The following MRPS9 variants were observed in gnomAD, a reference collection of about 807,000 sequenced individuals.
The protein encoded by MRPS9 is mitochondrial ribosomal protein S9.
A neutral mutation model predicts 59.9 loss-of-function variants in MRPS9; 45 were observed. The observed-to-expected ratio is 0.75, with a 90% CI of 0.59 to 0.96. The LOEUF (loss-of-function observed/expected upper bound fraction) is 0.96, where lower values mean the gene tolerates loss of function less well. Ranked by LOEUF, MRPS9 falls within the 40% of genes least tolerant of loss-of-function variation. The pLI is 0.00. For synonymous variants in MRPS9, 171 were observed against 166.8 expected, an observed-to-expected ratio of 1.03 and a Z score of -0.19; for missense variants, 473 against 481.1, an observed-to-expected ratio of 0.98 and a Z score of 0.16.
intron 5 of MRPS9, among the ~76,000 whole-genome samples, chr2:105,081,037 C>A (rs117661628): frequency 3.9e-5 from 6 of 152,156 alleles, no homozygotes; most frequent in Admixed American, 3.9e-4. Context: ...GCTGCGGCTC[C>A]GGCTCGGTAG....
chr2:105,085,845 T>C (rs1226984513), intron 5 of MRPS9, among the ~76,000 whole-genome samples: 1 of 152,170 alleles, frequency 6.6e-6, no homozygotes, highest in Non-Finnish European at 1.5e-5. Context: ...CTAGTGTCCC[T>C]TAAAAATTAA....
rs114448315 is a variant in MRPS9, at chr2:105,070,966, C to T, written c.316-347C>T. On this transcript the variant is annotated intron_variant, in intron 2 of 10. Coordinates refer to ENST00000258455, the MANE Select transcript of MRPS9 (RefSeq NM_182640.3). ...TGCAGCCTGCTCTTTGATATGTGCA[C>T]GACCAGCTGGGAGCTGGAACAATTG... is the stretch of plus-strand genomic sequence containing the variant. Among the ~76,000 whole-genome samples, 990 of 152,286 alleles carry T rather than the reference C, an allele frequency of 6.5e-3. 8 individuals carry two copies. Among genetic ancestry groups the T allele is most frequent in the African/African-American group, 0.022 (923 of 41,550 alleles).
intron 4 of MRPS9, among the ~76,000 whole-genome samples, chr2:105,072,403 G>A (rs1261252696): frequency 6.7e-6 from 1 of 148,180 alleles, no homozygotes; most frequent in Non-Finnish European, 1.5e-5. Flanking sequence ...TACTGAAGTT[G>A]ACACAACTTT....
At chr2:105,086,051 A>G (rs1680438739) in intron 5 of MRPS9, among the ~76,000 whole-genome samples, 1 of 152,182 alleles carries the variant, frequency 6.6e-6, no homozygotes, top group Non-Finnish European at 1.5e-5. Context: ...GAGTGGTTTT[A>G]TTATGCAAAA....
intron 2 of MRPS9, among the ~76,000 whole-genome samples, chr2:105,052,280 A>G (rs1410019214): frequency 6.6e-6 from 1 of 152,162 alleles, no homozygotes; most frequent in Non-Finnish European, 1.5e-5. Flanking sequence ...TATCAGATTC[A>G]GTAAGTTTTT....
At chr2:105,097,425 T>A in intron 10 of MRPS9, 101 bp downstream of exon 10, 6 of 1,066,456 alleles carry the variant, frequency 5.6e-6, no homozygotes, top group Non-Finnish European at 7.6e-6. Flanking sequence ...AATATATAGT[T>A]ACATATGTAA....
At chr2:105,092,697 G>C in intron 8 of MRPS9, 128 bp downstream of exon 8, 1 of 876,182 alleles carries the variant, frequency 1.1e-6, no homozygotes, top group Non-Finnish European at 1.6e-6. Flanking sequence ...CGTTACTTTG[G>C]ATTTCCTAAT....
chr2:105,084,062 A>G (rs948355155), intron 5 of MRPS9, among the ~76,000 whole-genome samples: 2 of 152,116 alleles, frequency 1.3e-5, no homozygotes, highest in South Asian at 2.1e-4. Flanking sequence ...GTTTTACAAA[A>G]GCTCCCCTCA....
At position 105,099,692 on chromosome 2, in the gene MRPS9, A is replaced by G; in HGVS notation, c.1122A>G (p.Pro374=). The G allele has an allele frequency of 6.2e-7, 1 of 1,614,120 alleles. No individual in the cohort carries two copies. Among genetic ancestry groups the G allele is most frequent in the Non-Finnish European group, 8.5e-7 (1 of 1,180,026 alleles). Reference sequence around the variant, plus strand: ...CAGCTGGACTACTTACTACTGATCCACGTGTGAGGGAACGGAAGAAGCCAG... The same window carrying G: ...CAGCTGGACTACTTACTACTGATCCGCGTGTGAGGGAACGGAAGAAGCCAG... ...MRQAGLLTTD[P]RVRERKKPGQ... is the part of the protein sequence containing the mutation. The change falls in exon 11 of 11, where the codon CCA becomes CCG. Residue 374 remains proline, a synonymous_variant. Coordinates refer to ENST00000258455, the MANE Select transcript of MRPS9 (RefSeq NM_182640.3).
intron 2 of MRPS9, among the ~76,000 whole-genome samples, chr2:105,071,041 C>A (rs1680102263): frequency 6.6e-6 from 1 of 152,152 alleles, no homozygotes; most frequent in African/African-American, 2.4e-5. Context: ...TCTAAGTGAT[C>A]CCTTAAAAGA....
chr2:105,049,434 C>T (rs1679669082), intron 2 of MRPS9, 84 bp downstream of exon 2: 1 of 1,179,602 alleles, frequency 8.5e-7, no homozygotes, highest in Non-Finnish European at 1.2e-6. Context: ...CCCCTTAGCT[C>T]TGTGTTTTAA....
intron 1 of MRPS9, among the ~76,000 whole-genome samples, chr2:105,041,525 T>C (rs1394539754): frequency 3.4e-5 from 4 of 118,476 alleles, no homozygotes; most frequent in Non-Finnish European, 5.3e-5. Flanking sequence ...GTCTAAAGTA[T>C]CTGTTTTTTT....
intron 5 of MRPS9, among the ~76,000 whole-genome samples, chr2:105,081,797 T>G (rs1680353461): frequency 6.6e-6 from 1 of 152,246 alleles, no homozygotes; most frequent in East Asian, 1.9e-4. Flanking sequence ...AAGAGTCCTT[T>G]GGGCTTTTAT....
chr2:105,049,137 A>C, intron 1 of MRPS9, 34 bp from the exon 2 acceptor site: 1 of 1,381,004 alleles, frequency 7.2e-7, no homozygotes. Context: ...AGTTTAATTT[A>C]TTTTCTTTTC....
chr2:105,091,779 C>T (rs1460353346), intron 7 of MRPS9, among the ~76,000 whole-genome samples: 2 of 152,002 alleles, frequency 1.3e-5, no homozygotes, highest in Non-Finnish European at 2.9e-5. Flanking sequence ...TTTCTAATCA[C>T]ATGTTCAAGA....
At chr2:105,053,128 TCAA>T (rs1261582923) in intron 2 of MRPS9, among the ~76,000 whole-genome samples, 1 of 152,230 alleles carries the variant, frequency 6.6e-6, no homozygotes, top group Non-Finnish European at 1.5e-5. Flanking sequence ...GCAGAATCAT[TCAA>T]CAATTTTGTA....
chr2:105,043,102 A>G (rs1679529179), intron 1 of MRPS9, among the ~76,000 whole-genome samples: 1 of 152,184 alleles, frequency 6.6e-6, no homozygotes, highest in Admixed American at 6.5e-5. Flanking sequence ...AATGAACAGT[A>G]ATTTCTTATC....
At chr2:105,060,457 C>A (rs1163995325) in intron 2 of MRPS9, among the ~76,000 whole-genome samples, 1 of 152,004 alleles carries the variant, frequency 6.6e-6, no homozygotes, top group African/African-American at 2.4e-5. Context: ...ATTTTTATGT[C>A]TTTAGTAGAG....
At chr2:105,098,772 A>G (rs952641197) in intron 10 of MRPS9, 4 of 152,222 alleles carry the variant, frequency 2.6e-5, no homozygotes, top group African/African-American at 9.6e-5. Flanking sequence ...CAAGCCTTGT[A>G]TACAGTAGGA....
Sources: gnomAD v4.1 joint callset for allele counts (sites outside exome capture counted in the v4.1 genomes callset) on GRCh38, gnomAD v4.1.1 for gene constraint, MANE v1.5 for transcripts, NCBI Gene and HGNC (gene_info 2026-07-23, HGNC 2026-07-21) for gene names.